CPVL: variants seen among roughly 807,000 people sequenced by gnomAD.
CPVL encodes probable serine carboxypeptidase CPVL.
CPVL carries 51 observed loss-of-function variants against 63.7 expected under a neutral mutation model. The ratio of observed to expected loss-of-function variants is 0.80; its 90% CI spans 0.64 to 1.01. The LOEUF (loss-of-function observed/expected upper bound fraction) is 1.01, where lower values mean the gene tolerates loss of function less well. Among genes scored for constraint, CPVL ranks in the 50% least tolerant of loss-of-function variants. The pLI is 0.00. For missense variants in CPVL, 530 were observed against 573.1 expected (o/e 0.92, Z 0.77); for synonymous variants, 195 against 206.0 (o/e 0.95, Z 0.46).
At chr7:29,021,030 T>C (rs911160311) in intron 12 of CPVL, among the ~76,000 whole-genome samples, 4 of 151,982 alleles carry the variant, frequency 2.6e-5, no homozygotes, top group South Asian at 2.1e-4. Flanking sequence ...ACAAATAAAT[T>C]AGCCAGGTGT....
At chr7:29,110,936 G>A (rs1432370940) in intron 3 of CPVL, among the ~76,000 whole-genome samples, 1 of 152,206 alleles carries the variant, frequency 6.6e-6, no homozygotes, top group African/African-American at 2.4e-5. Flanking sequence ...TGAAGCTGGA[G>A]GAAGGGACCA....
intron 1 of CPVL, among the ~76,000 whole-genome samples, chr7:29,137,911 G>T (rs1791417806): frequency 1.3e-5 from 2 of 152,186 alleles, no homozygotes; most frequent in South Asian, 4.1e-4. Flanking sequence ...ATCAGGGAGA[G>T]TTTTCTAGAT....
chr7:29,035,913 C>G (rs1446064822), intron 11 of CPVL, among the ~76,000 whole-genome samples: 1 of 152,130 alleles, frequency 6.6e-6, no homozygotes, highest in East Asian at 1.9e-4. Flanking sequence ...TAAAGGCACT[C>G]AAATGCTCTT....
chr7:29,042,923 T>C (rs1371511084), intron 11 of CPVL, among the ~76,000 whole-genome samples: 1 of 152,202 alleles, frequency 6.6e-6, no homozygotes. Flanking sequence ...TTCCGCAAAG[T>C]GCAGCCCTCC....
At chr7:29,131,279 T>C (rs934376836) in intron 1 of CPVL, among the ~76,000 whole-genome samples, 7 of 152,112 alleles carry the variant, frequency 4.6e-5, no homozygotes, top group African/African-American at 1.7e-4. Context: ...GGGTGGCAAA[T>C]ACAGGCTAAG....
intron 11 of CPVL, among the ~76,000 whole-genome samples, chr7:29,060,481 T>C (rs1423470688): frequency 1.3e-5 from 2 of 152,198 alleles, no homozygotes; most frequent in African/African-American, 4.8e-5. Context: ...AGAATTCAAA[T>C]AGCCCAACAG....
intron 6 of CPVL, among the ~76,000 whole-genome samples, chr7:29,089,968 T>C (rs1390788081): frequency 1.3e-5 from 2 of 152,116 alleles, no homozygotes; most frequent in Non-Finnish European, 1.5e-5. Flanking sequence ...GTTCAAGTGA[T>C]TCTCCTGCCT....
chr7:29,023,606 C>T (rs2128145503), intron 12 of CPVL, among the ~76,000 whole-genome samples: 1 of 152,244 alleles, frequency 6.6e-6, no homozygotes, highest in East Asian at 1.9e-4. Context: ...CACCTGGGAA[C>T]CCAAGAAACA....
At chr7:29,146,594 C>T (rs1333512964), upstream of CPVL, 1 of 1,550,088 alleles carries the variant, frequency 6.5e-7, no homozygotes, top group Non-Finnish European at 8.7e-7. Context: ...ATGACCCAGA[C>T]CCACAGGGCA....
chr7:29,123,628 AATATATATATAT>A (rs1243750985), intron 1 of CPVL, among the ~76,000 whole-genome samples: 4 of 41,754 alleles, frequency 9.6e-5, no homozygotes, highest in Admixed American at 4.5e-4. Flanking sequence ...AAAAAAAAAA[AATATATATATAT>A]ATATATATAT....
chr7:29,182,514 AC>A (rs1297564412), intron 4 of CPVL, among the ~76,000 whole-genome samples: 5 of 152,340 alleles, frequency 3.3e-5, no homozygotes, highest in African/African-American at 1.2e-4. Context: ...TAACTACTTG[AC>A]AAGTTTAGTC....
chr7:29,107,692 GC>G (rs1787860383), intron 3 of CPVL, among the ~76,000 whole-genome samples: 1 of 152,226 alleles, frequency 6.6e-6, no homozygotes. Context: ...TCTGCTGGGT[GC>G]AGCTAGACAA....
chr7:28,998,448 G>A (rs529906411), intron 12 of CPVL, among the ~76,000 whole-genome samples: 49 of 152,292 alleles, frequency 3.2e-4, no homozygotes, highest in African/African-American at 1.1e-3. Flanking sequence ...GGCACTGCAC[G>A]TTGTGTGACC....
chr7:29,122,129 A>G (rs1212725359), intron 1 of CPVL: 2 of 152,202 alleles, frequency 1.3e-5, no homozygotes, highest in Non-Finnish European at 2.9e-5. Flanking sequence ...TCCTAATTCC[A>G]CCAGTGTTAC....
upstream of CPVL, chr7:29,146,725 C>A: frequency 6.4e-7 from 1 of 1,550,556 alleles, no homozygotes. Flanking sequence ...TAATGAAGAG[C>A]ATCGGCGGGG....
chr7:29,016,901 T>C (rs1243309293), intron 12 of CPVL, among the ~76,000 whole-genome samples: 1 of 152,222 alleles, frequency 6.6e-6, no homozygotes, highest in Non-Finnish European at 1.5e-5. Flanking sequence ...ATTAAATAGA[T>C]GGAGAATCTT....
intron 5 of CPVL, among the ~76,000 whole-genome samples, chr7:29,176,207 A>C (rs1797318672): frequency 6.6e-6 from 1 of 151,974 alleles, no homozygotes; most frequent in Non-Finnish European, 1.5e-5. Flanking sequence ...AACAGATAAA[A>C]GAAAAAAAAG....
At chr7:29,047,672 T>G (rs995101521) in intron 11 of CPVL, among the ~76,000 whole-genome samples, 4 of 152,022 alleles carry the variant, frequency 2.6e-5, no homozygotes, top group Admixed American at 2.0e-4. Context: ...GACATCCAAA[T>G]ACAAGAAGCA....
chr7:29,069,772 G>A (rs1470988520), intron 9 of CPVL, among the ~76,000 whole-genome samples: 2 of 1,456 alleles, frequency 1.4e-3, no homozygotes, highest in Non-Finnish European at 4.4e-3. Context: ...ACCAGTAAAT[G>A]TGTGTGTGTG....
Sources: gnomAD v4.1 joint callset for allele counts (sites outside exome capture counted in the v4.1 genomes callset) on GRCh38, gnomAD v4.1.1 for gene constraint, MANE v1.5 for transcripts, NCBI Gene and HGNC (gene_info 2026-07-23, HGNC 2026-07-21) for gene names.